Variants in S100A7 observed in about 807,000 individuals in gnomAD.
S100A7 encodes S100 calcium binding protein A7.
Under a neutral mutation model 3.8 loss-of-function variants are expected in S100A7, and 2 were observed. The ratio of observed to expected loss-of-function variants is 0.53; its 90% CI spans 0.22 to 1.67. The LOEUF is 1.67. Among genes scored for constraint, S100A7 ranks in the 40% most tolerant of loss-of-function variants. The pLI is 0.20. For synonymous variants in S100A7, 55 were observed against 45.9 expected, an observed-to-expected ratio of 1.20 and a Z score of -0.80; for missense variants, 130 against 126.3, an observed-to-expected ratio of 1.03 and a Z score of -0.14.
At chr1:153,460,239 C>T (rs1205015653) in intron 1 of S100A7, among the ~76,000 whole-genome samples, 1 of 152,194 alleles carries the variant, frequency 6.6e-6, no homozygotes, top group Non-Finnish European at 1.5e-5. Flanking sequence ...ACAGGGGACC[C>T]CTAGCCCTCC....
At chr1:153,458,752 T>A (rs1388642705) in intron 2 of S100A7, 121 bp downstream of exon 2, 3 of 1,181,090 alleles carry the variant, frequency 2.5e-6, no homozygotes, top group Non-Finnish European at 3.6e-6. Flanking sequence ...TCACATATGA[T>A]CCAAGTAATA....
intron 1 of S100A7, among the ~76,000 whole-genome samples, chr1:153,459,491 C>T (rs1663770528): frequency 6.6e-6 from 1 of 152,186 alleles, no homozygotes; most frequent in Admixed American, 6.5e-5. Flanking sequence ...TCGGCTGCTT[C>T]AGGAACCAGA....
chr1:153,459,810 T>C (rs150546133), intron 1 of S100A7: 87 of 152,396 alleles, frequency 5.7e-4, no homozygotes, highest in African/African-American at 1.9e-3. Flanking sequence ...TAAATAAAAA[T>C]GTCTGACTTC....
Position 153,458,897 on chromosome 1 carries a change from G to A in S100A7, c.117C>T (p.Asn39=). The A allele has an allele frequency of 1.9e-6, 3 of 1,613,970 alleles. No individual in the cohort carries two copies. Among genetic ancestry groups the A allele is most frequent in the Non-Finnish European group, 2.5e-6 (3 of 1,179,892 alleles). ...KPSLLTMMKE[N]FPNFLSACDK... ...CACAGGCACTAAGGAAGTTGGGGAA[G>A]TTCTCCTTCATCATCGTCAGCAGGC... is the stretch of plus-strand genomic sequence containing the variant. Residue 39 remains asparagine (N), a synonymous_variant, in exon 2 of 3, where the codon AAC becomes AAT. Coordinates refer to ENST00000368723, the MANE Select transcript of S100A7 (RefSeq NM_002963.4).
chr1:153,460,259 G>A (rs1389918908), intron 1 of S100A7, among the ~76,000 whole-genome samples: 1 of 152,216 alleles, frequency 6.6e-6, no homozygotes, highest in Non-Finnish European at 1.5e-5. Flanking sequence ...CACCCTCTGT[G>A]GAGCTGGAGC....
chr1:153,460,582 A>T, intron 1 of S100A7, 26 bp downstream of exon 1: 6 of 887,880 alleles, frequency 6.8e-6, no homozygotes, highest in Non-Finnish European at 9.2e-6. Context: ...ACTTCTAGAA[A>T]ACGCAAAGAG....
Position 153,458,937 on chromosome 1 carries a change from T to C in S100A7, c.77A>G (p.Lys26Arg), listed in dbSNP as rs1189311365. The change falls in exon 2 of 3, where the codon AAG (lysine) becomes AGG (arginine). Residue 26 changes from lysine (K) to arginine (R), a missense_variant. By Grantham distance (26) the Lys-to-Arg change is conservative. Coordinates refer to ENST00000368723, the MANE Select transcript of S100A7 (RefSeq NM_002963.4). ...CGTCAGCAGGCTTGGCTTCTCAATC[T>C]TGTCATCACGTCTGGTGTATTTGTG... ...MFHKYTRRDD[K>R]IEKPSLLTMM... 1.9e-6 allele frequency: 3 copies of C among 1,613,942 alleles called. No individual in the cohort carries two copies. In the African/African-American group the frequency reaches 4.0e-5, roughly 22 times the overall value.
At position 153,458,857 on chromosome 1, in the gene S100A7, C is replaced by G; in HGVS notation, c.141+16G>C. On this transcript the variant is annotated intron_variant, in intron 2 of 2. Transcript: ENST00000368723. ...AAATGTATCCTCCAACATTGAGAAG[C>G]TAGACACCGACTCACACAGGCACTA... is the stretch of plus-strand genomic sequence containing the variant. The G allele has an allele frequency of 6.2e-7, 1 of 1,613,354 alleles. No homozygotes were observed. The highest frequency in any genetic ancestry group is 8.5e-7 in the Non-Finnish European group (1 of 1,179,538).
intron 1 of S100A7, among the ~76,000 whole-genome samples, chr1:153,459,479 C>T (rs1663770277): frequency 6.6e-6 from 1 of 152,150 alleles, no homozygotes. Context: ...GTCTGACCCT[C>T]CTCGGCTGCT....
Position 153,458,866 on chromosome 1 carries a change from G to A in S100A7, c.141+7C>T, listed in dbSNP as rs199867210. On this transcript the variant is annotated splice_region_variant and intron_variant, in intron 2 of 2. Transcript: ENST00000368723. ...CTCCAACATTGAGAAGCTAGACACC[G>A]ACTCACACAGGCACTAAGGAAGTTG... 409 of 1,613,544 alleles carry A rather than the reference G, an allele frequency of 2.5e-4. No homozygotes were observed. Among genetic ancestry groups the A allele is most frequent in the South Asian group, 1.5e-3 (132 of 91,030 alleles).
In S100A7 at chr1:153,458,092, G is replaced by C. The variant is rs371383769; in HGVS notation, c.142-122C>G. ...AGATCTGCACAGGCATGGTGGCGGG[G>C]CTGAGAGCACAGGGTGAGTGGGTGA... is the stretch of plus-strand genomic sequence containing the variant. On this transcript the variant is annotated intron_variant, in intron 2 of 2. Transcript: ENST00000368723. The C allele has an allele frequency of 2.7e-6, 3 of 1,127,904 alleles. No homozygotes were observed. The African/African-American group carries it at 4.6e-5, about 17-fold the overall frequency. The allele number at this position is 1,127,904 out of a possible 1,614,324, so 69.9% of individuals were successfully genotyped here. A position where few individuals can be genotyped will look rare whatever the true frequency, so the allele number is the denominator to read the frequency against.
chr1:153,457,857 G>A lies in S100A7; in HGVS notation c.255C>T (p.Asp85=). 6.2e-7 allele frequency: 1 copy of A among 1,614,184 alleles called. No individual in the cohort carries two copies. The highest frequency in any genetic ancestry group is 8.5e-7 in the Non-Finnish European group (1 of 1,180,038). The change falls in exon 3 of 3, where the codon GAC becomes GAT. Residue 85 remains aspartate, a synonymous_variant. Transcript: ENST00000368723. ...CTGCTCCATGGCTCTGCTTGTGGTA[G>A]TCTGTGGCTATGTCTCCCAGCAAGG... ...FLSLLGDIAT[D]YHKQSHGAAP...
rs148676182 is a variant in S100A7 at position 153,457,940 on chromosome 1, C to T, written c.172G>A (p.Val58Ile). ...TCATTCTTGTCCTTTTTCTCAAAGA[C>T]ATCGGCGAGGTAATTTGTGCCCTTT... is the stretch of plus-strand genomic sequence containing the variant. ...DKKGTNYLADVFEKKDKNEDK... is the reference protein window; with the variant it reads ...DKKGTNYLADIFEKKDKNEDK... Residue 58 changes from valine (V) to isoleucine (I), a missense_variant, in exon 3 of 3, where the codon GTC becomes ATC. By Grantham distance (29) the Val-to-Ile change is conservative. Coordinates refer to ENST00000368723, the MANE Select transcript of S100A7 (RefSeq NM_002963.4). 121 of 1,614,150 alleles carry T rather than the reference C, an allele frequency of 7.5e-5. 1 individual carries two copies. The African/African-American group carries it at 1.5e-3, about 20-fold the overall frequency.
At position 153,459,547 on chromosome 1, in the gene S100A7, G is replaced by A. The variant is rs186279741; in HGVS notation, c.-17-517C>T. On this transcript the variant is annotated intron_variant, in intron 1 of 2. Coordinates refer to ENST00000368723, the MANE Select transcript of S100A7 (RefSeq NM_002963.4). ...CTCAAGTGCAAGCCCTGCATGACAC[G>A]GTGTGTGCAGGCTCCAGGTGCACAT... Among the ~76,000 whole-genome samples, 365 of 152,276 alleles carry A rather than the reference G, an allele frequency of 2.4e-3. 2 individuals carry two copies. Among genetic ancestry groups the A allele is most frequent in the African/African-American group, 8.4e-3 (351 of 41,576 alleles).
chr1:153,458,998 C>T lies in S100A7; in HGVS notation c.16G>A (p.Ala6Thr). MSNTQ[A>T]ERSIIGMIDM... ...ATCATGCCTATTATGGACCTCTCAG[C>T]TTGAGTGTTGCTCATCTTTGCTTTC... is the stretch of plus-strand genomic sequence containing the variant. The change falls in exon 2 of 3, where the codon GCT becomes ACT. Residue 6 changes from alanine (A) to threonine (T), a missense_variant. Physicochemically the swap from Ala to Thr is moderately conservative, Grantham distance 58. Coordinates refer to ENST00000368723, the MANE Select transcript of S100A7 (RefSeq NM_002963.4). 1 of 1,613,284 alleles carries T rather than the reference C, an allele frequency of 6.2e-7. No homozygotes were observed. Among genetic ancestry groups the T allele is most frequent in the South Asian group, 1.1e-5 (1 of 90,764 alleles).
chr1:153,459,431 C>G (rs899387927), intron 1 of S100A7, among the ~76,000 whole-genome samples: 124 of 152,304 alleles, frequency 8.1e-4, no homozygotes, highest in African/African-American at 2.8e-3. Context: ...GTCGGGGTGA[C>G]AGTCATGGGG....
rs776719304 is a variant in S100A7 at position 153,459,044 on chromosome 1, A to G, written c.-17-14T>C. 1 of 1,609,002 alleles carries G rather than the reference A, an allele frequency of 6.2e-7. No homozygotes were observed. Among genetic ancestry groups the G allele is most frequent in the Non-Finnish European group, 8.5e-7 (1 of 1,177,022 alleles). ...CTTTCAAAAAGCCTTCAGGAAATAA[A>G]GACAATCATTTTTTTCCCTTCATTT... On this transcript the variant is annotated splice_polypyrimidine_tract_variant and intron_variant, in intron 1 of 2. Transcript: ENST00000368723.
Position 153,458,960 on chromosome 1 carries a change from G to A in S100A7, c.54C>T (p.His18=), listed in dbSNP as rs1663754102. Reference sequence around the variant, plus strand: ...TCTTGTCATCACGTCTGGTGTATTTGTGAAACATGTCGATCATGCCTATTA... The same window carrying A: ...TCTTGTCATCACGTCTGGTGTATTTATGAAACATGTCGATCATGCCTATTA... The part of the protein sequence containing the change: ...RSIIGMIDMF[H]KYTRRDDKIE... Residue 18 remains histidine, a synonymous_variant, in exon 2 of 3, where the codon CAC becomes CAT. Coordinates refer to ENST00000368723, the MANE Select transcript of S100A7 (RefSeq NM_002963.4). 2 of 1,613,938 alleles carry A rather than the reference G, an allele frequency of 1.2e-6. No homozygotes were observed. Among genetic ancestry groups the A allele is most frequent in the African/African-American group, 1.3e-5 (1 of 74,906 alleles).
chr1:153,460,394 C>A (rs1203310355), intron 1 of S100A7, among the ~76,000 whole-genome samples: 2 of 152,164 alleles, frequency 1.3e-5, no homozygotes, highest in African/African-American at 4.8e-5. Context: ...CAGGAGATCC[C>A]AAAGGAGCAA....
Sources: allele counts gnomAD v4.1 joint callset (sites outside exome capture counted in the v4.1 genomes callset), GRCh38; gene constraint gnomAD v4.1.1; transcripts MANE v1.5; gene names NCBI Gene and HGNC (gene_info 2026-07-23, HGNC 2026-07-21).